FRMPD2: variants seen among roughly 807,000 people sequenced by gnomAD.
The protein encoded by FRMPD2 is FERM and PDZ domain-containing protein 2.
A neutral mutation model predicts 140.1 loss-of-function variants in FRMPD2; 96 were observed. The ratio of observed to expected loss-of-function variants is 0.69; its 90% CI spans 0.58 to 0.81. The LOEUF (loss-of-function observed/expected upper bound fraction) is 0.81. Ranked by LOEUF, FRMPD2 falls within the 40% of genes least tolerant of loss-of-function variation. The probability of loss-of-function intolerance (pLI) is 0.00; values close to 1 mark genes in which losing one functional copy is unlikely to be tolerated. For missense variants in FRMPD2, 1,240 were observed against 1,447.4 expected (o/e 0.86, Z 2.32); for synonymous variants, 449 against 547.6 (o/e 0.82, Z 2.52).
chr10:48,175,181 T>C, intron 23 of FRMPD2: 2 of 482,736 alleles, frequency 4.1e-6, no homozygotes, highest in Non-Finnish European at 3.8e-6. Context: ...AGCCTTTCTA[T>C]TATTGGCTCA....
intron 4 of FRMPD2, among the ~76,000 whole-genome samples, chr10:48,243,116 G>A (rs973545127): frequency 3.9e-5 from 6 of 152,196 alleles, no homozygotes; most frequent in African/African-American, 7.2e-5. Flanking sequence ...GAGTCCTGCC[G>A]TCACAGTAAA....
At chr10:48,217,169 T>C (rs925629265) in intron 12 of FRMPD2, among the ~76,000 whole-genome samples, 1 of 152,254 alleles carries the variant, frequency 6.6e-6, no homozygotes, top group African/African-American at 2.4e-5. Context: ...ATTACTGTTA[T>C]CTGTAGTGTC....
rs1417875632 is a variant in FRMPD2 at position 48,238,110 on chromosome 10, C to T, written c.802G>A (p.Ala268Thr). The T allele has an allele frequency of 1.9e-6, 3 of 1,611,688 alleles. No individual in the cohort carries two copies. Among genetic ancestry groups the T allele is most frequent in the South Asian group, 1.1e-5 (1 of 91,080 alleles). ...SLLVNRALPG[A>T]DPQDQQAGRR... ...CCCGCCTGCTGGTCCTGGGGATCTGCTCCTGGAAGAGCGCTGGCCAGGGGT... is the reference window on the plus strand; with the variant it reads ...CCCGCCTGCTGGTCCTGGGGATCTGTTCCTGGAAGAGCGCTGGCCAGGGGT... The change falls in exon 8 of 29, where the codon GCA becomes ACA. Residue 268 changes from alanine (A) to threonine (T), a missense_variant. Physicochemically the swap from Ala to Thr is moderately conservative, Grantham distance 58 (BLOSUM62 0). This residue lies in a region of FRMPD2 where 1,161 missense variants were observed against 1,055.9 expected (regional missense o/e 1.10). Coordinates refer to ENST00000374201, the MANE Select transcript of FRMPD2 (RefSeq NM_001018071.4).
chr10:48,271,774 T>C (rs4838403), intron 1 of FRMPD2, among the ~76,000 whole-genome samples: 18,690 of 152,162 alleles, frequency 0.12, 1,908 homozygotes, highest in East Asian at 0.25. Flanking sequence ...GTGAATACAA[T>C]TCAGGAGGGG....
At chr10:48,185,782 C>A in intron 17 of FRMPD2, 137 bp from the exon 18 acceptor site, 1 of 673,762 alleles carries the variant, frequency 1.5e-6, no homozygotes, top group Non-Finnish European at 2.7e-6. Context: ...ACAAAAGTAG[C>A]TCATATTTAA....
chr10:48,257,708 C>G (rs1188642001), intron 1 of FRMPD2, among the ~76,000 whole-genome samples: 5 of 152,164 alleles, frequency 3.3e-5, no homozygotes, highest in Non-Finnish European at 7.4e-5. Flanking sequence ...CTCCTTGACC[C>G]TGGGCACAGG....
At chr10:48,250,169 C>T (rs749198205) in intron 2 of FRMPD2, among the ~76,000 whole-genome samples, 1 of 152,190 alleles carries the variant, frequency 6.6e-6, no homozygotes, top group Non-Finnish European at 1.5e-5. Flanking sequence ...GTCGCCCCAA[C>T]CCCCACCTGC....
intron 10 of FRMPD2, among the ~76,000 whole-genome samples, chr10:48,225,171 A>AAGGT (rs1839695142): frequency 1.3e-5 from 2 of 152,328 alleles, no homozygotes; most frequent in Admixed American, 1.3e-4. Flanking sequence ...GCCTCCACAC[A>AAGGT]GTGGTTAAAG....
chr10:48,192,771 CCCTGAAGCCTGGATA>C lies in FRMPD2; in HGVS notation c.2063_2077del (p.Val688_Gln692del). ...TGTACTCAGCAGGCCTCCTGCAGCACCCTGAAGCCTGGATACAAACAACTCGTTTTCTGAGCATGA... is the reference window on the plus strand; with the variant it reads ...TGTACTCAGCAGGCCTCCTGCAGCACCAAACAACTCGTTTTCTGAGCATGA... On this transcript the variant is annotated inframe_deletion, in exon 16 of 29. Transcript: ENST00000374201. 1 of 1,614,096 alleles carries C rather than the reference CCCTGAAGCCTGGATA, an allele frequency of 6.2e-7. No individual in the cohort carries two copies. Among genetic ancestry groups the C allele is most frequent in the Non-Finnish European group, 8.5e-7 (1 of 1,179,992 alleles).
chr10:48,272,685 AAG>A (rs1419268848), intron 1 of FRMPD2, among the ~76,000 whole-genome samples: 1 of 152,234 alleles, frequency 6.6e-6, no homozygotes, highest in East Asian at 1.9e-4. Flanking sequence ...TAAGAAAACT[AAG>A]AAAGTGATGG....
intron 1 of FRMPD2, among the ~76,000 whole-genome samples, chr10:48,265,716 C>T (rs1354398472): frequency 3.9e-5 from 6 of 151,988 alleles, no homozygotes; most frequent in Non-Finnish European, 7.4e-5. Context: ...GAAAAAATAA[C>T]AGATGCTGGT....
intron 8 of FRMPD2, among the ~76,000 whole-genome samples, chr10:48,237,137 A>AG (rs1839985721): frequency 6.6e-6 from 1 of 152,104 alleles, no homozygotes; most frequent in South Asian, 2.1e-4. Flanking sequence ...AAAAAAAAAA[A>AG]AAAAGCTTAA....
At chr10:48,245,495 T>C (rs137927631) in intron 3 of FRMPD2, among the ~76,000 whole-genome samples, 10 of 152,362 alleles carry the variant, frequency 6.6e-5, no homozygotes, top group South Asian at 2.1e-4. Flanking sequence ...GACCCTCAGT[T>C]TCTTCATCTT....
At chr10:48,219,923 C>T (rs1839542319) in intron 12 of FRMPD2, among the ~76,000 whole-genome samples, 1 of 152,106 alleles carries the variant, frequency 6.6e-6, no homozygotes, top group Non-Finnish European at 1.5e-5. Flanking sequence ...CACGTCTGGG[C>T]TCAAATTTAG....
chr10:48,185,432 G>A (rs1436314844), intron 18 of FRMPD2, 121 bp downstream of exon 18: 2 of 698,570 alleles, frequency 2.9e-6, no homozygotes, highest in Non-Finnish European at 5.2e-6. Flanking sequence ...TACCAGAAAA[G>A]GCAGACTGGG....
At chr10:48,177,474 T>A (rs535260452) in intron 22 of FRMPD2, 245 of 153,738 alleles carry the variant, frequency 1.6e-3, no homozygotes, top group Non-Finnish European at 2.9e-3. Context: ...GACCTCTGGA[T>A]TTTCACCAGC....
intron 27 of FRMPD2, among the ~76,000 whole-genome samples, chr10:48,166,455 C>A (rs550103596): frequency 2.1e-5 from 2 of 94,526 alleles, no homozygotes; most frequent in South Asian, 5.4e-4. Context: ...CGGAGGAGGG[C>A]ATTTCCTGCT....
In FRMPD2 at chr10:48,185,540, G is replaced by A. The variant is rs1398477938; in HGVS notation, c.2359+13C>T. ...AGTAGAGACTGGGCCTCACCTACAG[G>A]GAGCCCTCTTACCAAAACCACGATG... is the stretch of plus-strand genomic sequence containing the variant. On this transcript the variant is annotated intron_variant, in intron 18 of 28. Coordinates refer to ENST00000374201, the MANE Select transcript of FRMPD2 (RefSeq NM_001018071.4). 1.0e-5 allele frequency: 16 copies of A among 1,601,268 alleles called. No individual in the cohort carries two copies. In the Admixed American group the frequency reaches 2.3e-4, roughly 23 times the overall value.
intron 3 of FRMPD2, among the ~76,000 whole-genome samples, chr10:48,247,558 G>T (rs969797854): frequency 1.3e-5 from 2 of 152,222 alleles, no homozygotes; most frequent in South Asian, 2.1e-4. Flanking sequence ...TCTCTAGAAA[G>T]CTTGCAAGGC....
Sources: gnomAD v4.1 joint callset for allele counts (sites outside exome capture counted in the v4.1 genomes callset) on GRCh38, gnomAD v4.1.1 for gene constraint, gnomAD v4.1.1 regional missense constraint, MANE v1.5 for transcripts, NCBI Gene and HGNC (gene_info 2026-07-23, HGNC 2026-07-21) for gene names.